NUBPL: variants seen among roughly 807,000 people sequenced by gnomAD.
NUBPL encodes the protein iron-sulfur cluster transfer protein NUBPL.
Under a neutral mutation model 45.7 loss-of-function variants are expected in NUBPL, and 31 were observed. That is an observed-to-expected ratio of 0.68 (90% CI 0.51 to 0.92). The LOEUF (loss-of-function observed/expected upper bound fraction) is 0.92. Ranked by LOEUF, NUBPL falls within the 40% of genes least tolerant of loss-of-function variation. The pLI, the probability that NUBPL is intolerant of heterozygous loss-of-function variation, is 0.00. For missense variants in NUBPL, 401 were observed against 398.7 expected, an observed-to-expected ratio of 1.01 and a Z score of -0.05; for synonymous variants, 144 against 140.9, an observed-to-expected ratio of 1.02 and a Z score of -0.15.
intron 6 of NUBPL, among the ~76,000 whole-genome samples, chr14:31,768,885 C>T (rs1274697931): frequency 6.6e-6 from 1 of 152,062 alleles, no homozygotes; most frequent in East Asian, 1.9e-4. Context: ...ACTCCGAGTC[C>T]TGCCGACTTA....
chr14:31,770,813 A>C (rs776337128), intron 6 of NUBPL, among the ~76,000 whole-genome samples: 7 of 152,192 alleles, frequency 4.6e-5, no homozygotes, highest in Non-Finnish European at 5.9e-5. Flanking sequence ...GTTAGGTCAG[A>C]TCTTGTTCAC....
rs72674836 is a variant in NUBPL, at chr14:31,593,795, G to A, written c.292-5494G>A. Among the ~76,000 whole-genome samples, 1,394 of 152,174 alleles carry A rather than the reference G, an allele frequency of 9.2e-3. 9 individuals carry two copies. The highest frequency in any genetic ancestry group is 0.017 in the Middle Eastern group (5 of 294). On this transcript the variant is annotated intron_variant, in intron 3 of 10. Coordinates refer to ENST00000281081, the MANE Select transcript of NUBPL (RefSeq NM_025152.3). ...TGAGTAAGAGACCAGGTGGATACTT[G>A]GGGGAATAGGATTTCTGGTTGAGGG...
chr14:31,809,801 A>T (rs970001862), intron 7 of NUBPL, among the ~76,000 whole-genome samples: 4 of 152,066 alleles, frequency 2.6e-5, no homozygotes, highest in African/African-American at 9.7e-5. Context: ...TGTCCCAGAG[A>T]TTCTGGTACG....
At chr14:31,783,618 A>G (rs2039232802) in intron 6 of NUBPL, among the ~76,000 whole-genome samples, 1 of 151,540 alleles carries the variant, frequency 6.6e-6, no homozygotes, top group Non-Finnish European at 1.5e-5. Context: ...GTTGGGTTCA[A>G]GAGATTCTCA....
In NUBPL at chr14:31,666,263, A is replaced by ATTTATTTATTATTT; in HGVS notation, c.383-7092_383-7091insTTTATTTATTATTT. On this transcript the variant is annotated intron_variant, in intron 4 of 10. Transcript: ENST00000281081. ...TATATATATATATATATATATATAT[A>ATTTATTTATTATTT]ATTTTATTTTATTTTTTTTGAGACG... Among the ~76,000 whole-genome samples the ATTTATTTATTATTT allele has an allele frequency of 1.3e-3, 142 of 111,860 alleles. 1 individual carries two copies. The highest frequency in any genetic ancestry group is 3.9e-3 in the African/African-American group (127 of 32,598). The allele number at this position is 111,860 out of a possible 152,430, so 73.4% of individuals were successfully genotyped here. A position where few individuals can be genotyped will look rare whatever the true frequency, so the allele number is the denominator to read the frequency against.
intron 7 of NUBPL, among the ~76,000 whole-genome samples, chr14:31,808,549 T>G (rs1388534876): frequency 6.6e-6 from 1 of 152,188 alleles, no homozygotes; most frequent in African/African-American, 2.4e-5. Context: ...AGATATACAA[T>G]CATGTCATCT....
intron 6 of NUBPL, among the ~76,000 whole-genome samples, chr14:31,725,121 A>G (rs1045282177): frequency 6.6e-6 from 1 of 152,138 alleles, no homozygotes; most frequent in African/African-American, 2.4e-5. Flanking sequence ...TTGTTTTAAA[A>G]GGATTACTTT....
Position 31,673,503 on chromosome 14 carries a change from G to C in NUBPL, c.442G>C (p.Val148Leu), listed in dbSNP as rs1460816685. The change falls in exon 6 of 11, where the codon GTT (valine) becomes CTT (leucine). Residue 148 changes from valine to leucine, a missense_variant. Transcript: ENST00000281081. ...TTGCAGTATGTCTATGGGCTTTCTG[G>C]TTGAAGAAAGTGAACCAGTAGTTTG... The part of the protein sequence containing the change: ...GIACMSMGFL[V>L]EESEPVVWRG... The C allele has an allele frequency of 6.2e-7, 1 of 1,613,828 alleles. No individual in the cohort carries two copies. The highest frequency in any genetic ancestry group is 2.2e-5 in the East Asian group (1 of 44,818).
intron 6 of NUBPL, among the ~76,000 whole-genome samples, chr14:31,687,372 G>A (rs144419725): frequency 2.4e-4 from 37 of 152,290 alleles, no homozygotes; most frequent in African/African-American, 8.9e-4. Context: ...ATTTTATCAT[G>A]TACTACCTAA....
chr14:31,604,870 G>A (rs538190518), intron 4 of NUBPL, among the ~76,000 whole-genome samples: 2 of 152,236 alleles, frequency 1.3e-5, no homozygotes, highest in Non-Finnish European at 1.5e-5. Flanking sequence ...GAATGTTTCC[G>A]TCAGCTTAAA....
chr14:31,750,986 G>A (rs1425478441), intron 6 of NUBPL, among the ~76,000 whole-genome samples: 1 of 152,188 alleles, frequency 6.6e-6, no homozygotes, highest in African/African-American at 2.4e-5. Flanking sequence ...GCAGGAGAGA[G>A]AGAGAGAGTG....
chr14:31,828,815 T>G (rs577114897), intron 8 of NUBPL, among the ~76,000 whole-genome samples: 1 of 152,162 alleles, frequency 6.6e-6, no homozygotes, highest in Admixed American at 6.5e-5. Context: ...TTCTGACAGA[T>G]TTTTTCCTAA....
intron 4 of NUBPL, among the ~76,000 whole-genome samples, chr14:31,626,238 A>T (rs1458988740): frequency 6.6e-6 from 1 of 151,568 alleles, no homozygotes; most frequent in Non-Finnish European, 1.5e-5. Flanking sequence ...GCTCACTGCA[A>T]ACTCTGCCTC....
chr14:31,568,730 T>C (rs1176830057), intron 3 of NUBPL, among the ~76,000 whole-genome samples: 1 of 152,042 alleles, frequency 6.6e-6, no homozygotes, highest in African/African-American at 2.4e-5. Flanking sequence ...TATACTAGAG[T>C]GATGTGAAAA....
chr14:31,602,937 T>C (rs1394384443), intron 4 of NUBPL, among the ~76,000 whole-genome samples: 2 of 152,172 alleles, frequency 1.3e-5, no homozygotes, highest in Non-Finnish European at 2.9e-5. Context: ...TAAATACCTC[T>C]TTAATGTTTA....
At chr14:31,586,348 G>T (rs576399977) in intron 3 of NUBPL, among the ~76,000 whole-genome samples, 1 of 152,132 alleles carries the variant, frequency 6.6e-6, no homozygotes, top group African/African-American at 2.4e-5. Context: ...AATTCCAGTC[G>T]TTCAAAGGTA....
At chr14:31,696,111 T>C (rs928113560) in intron 6 of NUBPL, among the ~76,000 whole-genome samples, 2 of 152,226 alleles carry the variant, frequency 1.3e-5, no homozygotes, top group African/African-American at 4.8e-5. Context: ...TTTTGAATTG[T>C]AGCAATTTGA....
intron 4 of NUBPL, among the ~76,000 whole-genome samples, chr14:31,622,911 G>A (rs959048312): frequency 6.6e-6 from 1 of 152,190 alleles, no homozygotes; most frequent in African/African-American, 2.4e-5. Context: ...ATGAGAAGAG[G>A]GCTACTGTCC....
At chr14:31,835,051 A>C (rs2040260368) in intron 8 of NUBPL, among the ~76,000 whole-genome samples, 1 of 152,158 alleles carries the variant, frequency 6.6e-6, no homozygotes, top group African/African-American at 2.4e-5. Context: ...TGGTGGATTG[A>C]AAATGGGGAG....
Sources: allele counts gnomAD v4.1 joint callset (sites outside exome capture counted in the v4.1 genomes callset), GRCh38; gene constraint gnomAD v4.1.1; transcripts MANE v1.5; gene names NCBI Gene and HGNC (gene_info 2026-07-23, HGNC 2026-07-21).